The following FAM83F variants were observed in gnomAD, a reference collection of about 807,000 sequenced individuals.
The protein encoded by FAM83F is protein FAM83F.
In FAM83F, 45 loss-of-function variants were observed where a neutral mutation model predicts 42.9. The observed-to-expected ratio is 1.05, with a 90% CI of 0.83 to 1.35. FAM83F has a LOEUF of 1.35. FAM83F is among the 40% of genes most tolerant of loss of function. FAM83F has a pLI of 0.00. For missense variants in FAM83F, 617 were observed against 695.9 expected, an observed-to-expected ratio of 0.89 and a Z score of 1.28; for synonymous variants, 306 against 298.3, an observed-to-expected ratio of 1.03 and a Z score of -0.27.
chr22:40,020,580 C>G (rs1194821310), intron 3 of FAM83F, among the ~76,000 whole-genome samples: 1 of 152,000 alleles, frequency 6.6e-6, no homozygotes, highest in African/African-American at 2.4e-5. Flanking sequence ...CCAGGCTGGT[C>G]TCGAACTTTT....
Position 40,021,925 on chromosome 22 carries a change from G to A in FAM83F, c.1415G>A (p.Gly472Glu), listed in dbSNP as rs2067525521. ...TETSEVEFLT[G>E]KRPNENSSAD... ...ACCTCTGAAGTGGAGTTTCTGACGGGGAAGAGGCCCAACGAGAATTCCAGT... is the reference window on the plus strand; with the variant it reads ...ACCTCTGAAGTGGAGTTTCTGACGGAGAAGAGGCCCAACGAGAATTCCAGT... Residue 472 changes from glycine to glutamate, a missense_variant, in exon 4 of 5, where the codon GGG becomes GAG. Gly to Glu is a moderately conservative substitution (Grantham distance 98). Coordinates refer to ENST00000333407, the MANE Select transcript of FAM83F (RefSeq NM_138435.4). The surrounding 1 kb of genome is among the most constrained non-coding windows in gnomAD (Gnocchi z 8.7). 2 of 1,579,524 alleles carry A rather than the reference G, an allele frequency of 1.3e-6. No homozygotes were observed. The highest frequency in any genetic ancestry group is 1.8e-5 in the Admixed American group (1 of 55,470).
chr22:40,029,410 A>G (rs2067574292), intron 4 of FAM83F, 106 bp from the exon 5 acceptor site: 1 of 1,442,246 alleles, frequency 6.9e-7, no homozygotes, highest in Non-Finnish European at 9.3e-7. Context: ...CAGTGACCCC[A>G]GCCCCTCAAC....
chr22:40,005,709 G>C (rs2067423727), intron 1 of FAM83F, among the ~76,000 whole-genome samples: 1 of 152,268 alleles, frequency 6.6e-6, no homozygotes, highest in African/African-American at 2.4e-5. Flanking sequence ...CTGACCTGCA[G>C]GGTCGGAATC....
At chr22:40,020,715 C>T (rs1174617294) in intron 3 of FAM83F, among the ~76,000 whole-genome samples, 1 of 152,054 alleles carries the variant, frequency 6.6e-6, no homozygotes, top group African/African-American at 2.4e-5. Flanking sequence ...TGTGTAATCT[C>T]TGCCCTCCAA....
At chr22:40,002,063 C>T (rs1244233377) in intron 1 of FAM83F, among the ~76,000 whole-genome samples, 2 of 151,562 alleles carry the variant, frequency 1.3e-5, no homozygotes, top group South Asian at 2.1e-4. Context: ...GAGGCTGTGG[C>T]GTTGGAATCC....
chr22:40,024,574 G>A (rs954788298), intron 4 of FAM83F, among the ~76,000 whole-genome samples: 2 of 152,174 alleles, frequency 1.3e-5, no homozygotes, highest in African/African-American at 4.8e-5. Context: ...CTCAATTCGG[G>A]ACACATTGCT....
Position 40,031,076 on chromosome 22 carries a change from T to A in FAM83F, c.*1511T>A, listed in dbSNP as rs571790745. The A allele has an allele frequency of 6.6e-6, 1 of 152,244 alleles. No homozygotes were observed. Among genetic ancestry groups the A allele is most frequent in the East Asian group, 1.9e-4 (1 of 5,166 alleles). The allele number at this position is 152,244 out of a possible 1,614,324, so 9.4% of individuals were successfully genotyped here. ...GGAAGGGAAAGGAAGGGTGAGCCTG[T>A]CCCCAGGGTCTTCTCTGTTAATCCC... On this transcript the variant is annotated 3_prime_UTR_variant, in exon 5 of 5. Coordinates refer to ENST00000333407, the MANE Select transcript of FAM83F (RefSeq NM_138435.4).
chr22:40,024,515 C>T (rs571097398), intron 4 of FAM83F, among the ~76,000 whole-genome samples: 1 of 152,334 alleles, frequency 6.6e-6, no homozygotes, highest in African/African-American at 2.4e-5. Flanking sequence ...AAAGTGTCCC[C>T]TTCCCCTGGT....
chr22:40,020,139 A>G (rs2067511987), intron 3 of FAM83F, 131 bp downstream of exon 3: 1 of 1,327,132 alleles, frequency 7.5e-7, no homozygotes, highest in African/African-American at 1.5e-5. Flanking sequence ...AGCAAAGGAC[A>G]GCTTTCTGCC....
rs1792941805 is a variant in FAM83F at position 40,030,432 on chromosome 22, G to C, written c.*867G>C. ...AGGGAGCTTGGCTGAGAGGGGATTG[G>C]GGGTGTGGGAGGCTGGGCCCTGAGG... is the stretch of plus-strand genomic sequence containing the variant. On this transcript the variant is annotated 3_prime_UTR_variant, in exon 5 of 5. Transcript: ENST00000333407. 1 of 150,502 alleles carries C rather than the reference G, an allele frequency of 6.6e-6. No individual in the cohort carries two copies. Among genetic ancestry groups the C allele is most frequent in the African/African-American group, 2.4e-5 (1 of 40,952 alleles). 9.3% of individuals were successfully genotyped at this position (150,502 alleles called of 1,614,324 possible). A position where few individuals can be genotyped will look rare whatever the true frequency, so the allele number is the denominator to read the frequency against.
In FAM83F at chr22:40,007,887, C is replaced by T. The variant is rs762765203; in HGVS notation, c.490-11281C>T. Reference sequence around the variant, plus strand: ...TTTGCAGTGTACCCAGAGTACTTAACGACACCCTCTCCTGGATGCATCGTC... The same window carrying T: ...TTTGCAGTGTACCCAGAGTACTTAATGACACCCTCTCCTGGATGCATCGTC... On this transcript the variant is annotated intron_variant, in intron 1 of 4. Coordinates refer to ENST00000333407, the MANE Select transcript of FAM83F (RefSeq NM_138435.4). Among the ~76,000 whole-genome samples the T allele has an allele frequency of 1.2e-4, 19 of 152,194 alleles. 1 individual carries two copies. The highest frequency in any genetic ancestry group is 7.2e-4 in the Admixed American group (11 of 15,278).
In FAM83F at chr22:40,021,168, C is replaced by G; in HGVS notation, c.780-122C>G. ...GAGGGAATCAGTCCAGCGTGTGGCC[C>G]ACAAGGAGCCGTACACCTGCAGCAA... On this transcript the variant is annotated intron_variant, in intron 3 of 4. Transcript: ENST00000333407. The surrounding 1 kb of genome is among the most constrained non-coding windows in gnomAD (Gnocchi z 8.7). The G allele has an allele frequency of 8.5e-7, 1 of 1,177,358 alleles. No individual in the cohort carries two copies. Among genetic ancestry groups the G allele is most frequent in the Non-Finnish European group, 1.1e-6 (1 of 871,330 alleles). 72.9% of individuals were successfully genotyped at this position (1,177,358 alleles called of 1,614,324 possible).
chr22:40,015,426 A>G (rs1163674068), intron 1 of FAM83F, among the ~76,000 whole-genome samples: 1 of 152,220 alleles, frequency 6.6e-6, no homozygotes, highest in African/African-American at 2.4e-5. Context: ...TGCCCAGCCA[A>G]GCGAACACAT....
intron 3 of FAM83F, among the ~76,000 whole-genome samples, chr22:40,020,918 G>A (rs2145720044): frequency 6.6e-6 from 1 of 152,272 alleles, no homozygotes; most frequent in Admixed American, 6.5e-5. Context: ...TTTTAAATGT[G>A]TGTTTGTGCC....
chr22:40,019,053 A>G (rs908848088), intron 1 of FAM83F, 115 bp from the exon 2 acceptor site: 4 of 1,218,184 alleles, frequency 3.3e-6, no homozygotes, highest in Non-Finnish European at 2.3e-6. Context: ...GTACAGGTGG[A>G]GTTTTTGACT....
In FAM83F at chr22:40,022,097, C is replaced by T. The variant is rs73414441; in HGVS notation, c.1453+134C>T. 15,749 of 836,154 alleles carry T rather than the reference C, an allele frequency of 0.019. 1,527 individuals carry two copies. In the African/African-American group the frequency reaches 0.22, roughly 12 times the overall value. 51.8% of individuals were successfully genotyped at this position (836,154 alleles called of 1,614,324 possible). A position where few individuals can be genotyped will look rare whatever the true frequency, so the allele number is the denominator to read the frequency against. On this transcript the variant is annotated intron_variant, in intron 4 of 4. Coordinates refer to ENST00000333407, the MANE Select transcript of FAM83F (RefSeq NM_138435.4). ...TCTGTGGGCACAGAGAGGGCAGGAG[C>T]TCTGGGGTTCCGGGGTCCTTGGTTC...
chr22:40,010,653 C>A (rs747012483), intron 1 of FAM83F, among the ~76,000 whole-genome samples: 1 of 152,214 alleles, frequency 6.6e-6, no homozygotes, highest in African/African-American at 2.4e-5. Flanking sequence ...CTGAGACATG[C>A]TTCTGCAAAC....
Position 40,041,090 on chromosome 22 carries a change from T to G in FAM83F, c.*11525T>G, listed in dbSNP as rs1051015608. ...AAAAAGGAAGGCCTGTTGCTTGAGA[T>G]GGCTCAGAGCACTTTTGGTAGCCAG... On this transcript the variant is annotated 3_prime_UTR_variant, in exon 5 of 5. Coordinates refer to ENST00000333407, the MANE Select transcript of FAM83F (RefSeq NM_138435.4). 1.3e-5 allele frequency: 2 copies of G among 152,200 alleles called. No individual in the cohort carries two copies. The highest frequency in any genetic ancestry group is 1.3e-4 in the Admixed American group (2 of 15,278). The allele number at this position is 152,200 out of a possible 1,614,324, so 9.4% of individuals were successfully genotyped here.
chr22:40,040,660 T>C lies in FAM83F; in HGVS notation c.*11095T>C, dbSNP rs1269941024. The stretch of plus-strand genomic sequence containing the variant: ...CTCCCAGACATGCAATAAATGCTTA[T>C]AAGCATGCCCTCTGTAATCAGCCCT... On this transcript the variant is annotated 3_prime_UTR_variant, in exon 5 of 5. Transcript: ENST00000333407. 6.6e-6 allele frequency: 1 copy of C among 152,252 alleles called. No individual in the cohort carries two copies. Among genetic ancestry groups the C allele is most frequent in the Non-Finnish European group, 1.5e-5 (1 of 68,042 alleles). The allele number at this position is 152,252 out of a possible 1,614,324, so 9.4% of individuals were successfully genotyped here. A position where few individuals can be genotyped will look rare whatever the true frequency, so the allele number is the denominator to read the frequency against.
Sources: allele counts gnomAD v4.1 joint callset (sites outside exome capture counted in the v4.1 genomes callset), GRCh38; gene constraint gnomAD v4.1.1; non-coding constraint Gnocchi (gnomAD v3.1); transcripts MANE v1.5; gene names NCBI Gene and HGNC (gene_info 2026-07-23, HGNC 2026-07-21).